The following GALNT1 variants were observed in gnomAD, a reference collection of about 807,000 sequenced individuals.
GALNT1 encodes the protein GalNAc transferase 1.
GALNT1 carries 17 observed loss-of-function variants against 65.7 expected under a neutral mutation model. The observed-to-expected ratio is 0.26, with a 90% confidence interval of 0.18 to 0.39. The LOEUF (loss-of-function observed/expected upper bound fraction) is 0.39. Ranked by LOEUF, GALNT1 falls within the 10% of genes least tolerant of loss-of-function variation. The pLI is 1.00. For synonymous variants in GALNT1, 210 were observed against 219.7 expected, an observed-to-expected ratio of 0.96 and a Z score of 0.39; for missense variants, 460 against 672.8, an observed-to-expected ratio of 0.68 and a Z score of 3.50.
rs1475457392 is a variant in GALNT1, at chr18:35,701,428, A to G, written c.1300-1469A>G. ...CATCATCGTCTGGTATTAATTGATC[A>G]CCTACCAGGATGAAGGAAGGTGTGC... On this transcript the variant is annotated intron_variant, in intron 9 of 11. Transcript: ENST00000269195. Among the ~76,000 whole-genome samples, 2 of 152,176 alleles carry G rather than the reference A, an allele frequency of 1.3e-5. 1 individual carries two copies. Among genetic ancestry groups the G allele is most frequent in the African/African-American group, 4.8e-5 (2 of 41,440 alleles).
intron 7 of GALNT1, among the ~76,000 whole-genome samples, chr18:35,689,935 C>T (rs983240517): frequency 1.3e-5 from 2 of 152,182 alleles, no homozygotes; most frequent in African/African-American, 4.8e-5. Flanking sequence ...AGCGAGCTCA[C>T]TTTGTTCCCA....
intron 11 of GALNT1, among the ~76,000 whole-genome samples, chr18:35,708,226 C>T (rs2048297798): frequency 6.6e-6 from 1 of 152,014 alleles, no homozygotes; most frequent in Non-Finnish European, 1.5e-5. Context: ...CAATAAACTA[C>T]ACAAAGTCTG....
chr18:35,626,017 C>G (rs1003958277), intron 1 of GALNT1, among the ~76,000 whole-genome samples: 6 of 152,164 alleles, frequency 3.9e-5, no homozygotes, highest in African/African-American at 1.4e-4. Flanking sequence ...CCCAGACATT[C>G]CCTGCAATTT....
chr18:35,598,336 A>T (rs972704810), intron 1 of GALNT1, among the ~76,000 whole-genome samples: 1 of 151,778 alleles, frequency 6.6e-6, no homozygotes, highest in Non-Finnish European at 1.5e-5. Flanking sequence ...TGCCTGGACA[A>T]TCTAACTGTA....
intron 1 of GALNT1, chr18:35,627,291 G>T (rs979649284): frequency 2.0e-5 from 3 of 152,222 alleles, no homozygotes; most frequent in Non-Finnish European, 2.9e-5. Flanking sequence ...GCTCAGTATT[G>T]GGGAAGAAGC....
At chr18:35,692,363 C>A in intron 9 of GALNT1, 43 bp downstream of exon 9, 1 of 1,248,318 alleles carries the variant, frequency 8.0e-7, no homozygotes, top group South Asian at 2.1e-5. Flanking sequence ...TTATTATGTT[C>A]TTACTTTTTT....
At chr18:35,694,942 T>G (rs1026321425) in intron 9 of GALNT1, among the ~76,000 whole-genome samples, 4 of 152,174 alleles carry the variant, frequency 2.6e-5, no homozygotes, top group African/African-American at 9.7e-5. Context: ...TGTATGATTC[T>G]CCTTATATAA....
At chr18:35,645,244 T>TC (rs796907547) in intron 1 of GALNT1, among the ~76,000 whole-genome samples, 1 of 108,228 alleles carries the variant, frequency 9.2e-6, no homozygotes, top group Non-Finnish European at 2.0e-5. Flanking sequence ...TTTTTTTTTT[T>TC]CTGGGAGATG....
At chr18:35,601,517 G>A (rs76806467) in intron 1 of GALNT1, among the ~76,000 whole-genome samples, 1 of 151,850 alleles carries the variant, frequency 6.6e-6, no homozygotes, top group African/African-American at 2.4e-5. Flanking sequence ...TACTTGAGGA[G>A]TATTGTTAGG....
At chr18:35,652,415 A>C (rs1374741984) in intron 1 of GALNT1, among the ~76,000 whole-genome samples, 1 of 151,846 alleles carries the variant, frequency 6.6e-6, no homozygotes, top group Non-Finnish European at 1.5e-5. Context: ...GGTGTCCTGG[A>C]GTTTCAGCCC....
rs907661591 is a variant in GALNT1, at chr18:35,666,554, T to C, written c.314+2752T>C. ...TCTGGTAGAATTGTTTTTGTCATTTTAATAACCCCCCTAAGTATATCACCA... is the reference window on the plus strand; with the variant it reads ...TCTGGTAGAATTGTTTTTGTCATTTCAATAACCCCCCTAAGTATATCACCA... On this transcript the variant is annotated intron_variant, in intron 3 of 11. Transcript: ENST00000269195. Among the ~76,000 whole-genome samples, 5 of 152,354 alleles carry C rather than the reference T, an allele frequency of 3.3e-5. No homozygotes were observed. In the Middle Eastern group the frequency reaches 0.01, roughly 311 times the overall value.
intron 3 of GALNT1, among the ~76,000 whole-genome samples, chr18:35,670,848 T>C (rs1303488790): frequency 6.6e-6 from 1 of 152,230 alleles, no homozygotes; most frequent in Non-Finnish European, 1.5e-5. Context: ...TGGCACTATG[T>C]GGCAGTAGGA....
intron 7 of GALNT1, among the ~76,000 whole-genome samples, chr18:35,689,790 TAA>T (rs751490428): frequency 1.3e-5 from 2 of 152,226 alleles, no homozygotes; most frequent in African/African-American, 2.4e-5. Flanking sequence ...AGTCTACATA[TAA>T]AGTCTTTGCA....
intron 3 of GALNT1, among the ~76,000 whole-genome samples, chr18:35,664,691 TAAG>T (rs554427375): frequency 7.2e-5 from 11 of 152,344 alleles, no homozygotes; most frequent in Middle Eastern, 3.4e-3. Flanking sequence ...AGTTGCTCCA[TAAG>T]AAGAAGGTAA....
chr18:35,663,761 G>C lies in GALNT1; in HGVS notation c.273G>C (p.Met91Ile). Residue 91 changes from methionine to isoleucine, a missense_variant, in exon 3 of 12, where the codon ATG becomes ATC. By Grantham distance (10) the Met-to-Ile change is conservative. Transcript: ENST00000269195. ...AGTTCAATTTAATGGCAAGTGAGAT[G>C]ATTGCACTCAACAGATCTTTACCAG... ...INQFNLMASE[M>I]IALNRSLPDV... 6.2e-7 allele frequency: 1 copy of C among 1,613,946 alleles called. No homozygotes were observed. Among genetic ancestry groups the C allele is most frequent in the African/African-American group, 1.3e-5 (1 of 75,034 alleles).
At chr18:35,692,461 C>A in intron 9 of GALNT1, 141 bp downstream of exon 9, 1 of 528,890 alleles carries the variant, frequency 1.9e-6, no homozygotes, top group Non-Finnish European at 3.1e-6. Flanking sequence ...CTTCCTCCTT[C>A]TTACCACGTA....
intron 1 of GALNT1, among the ~76,000 whole-genome samples, chr18:35,608,662 T>C (rs1207670794): frequency 1.3e-5 from 2 of 152,098 alleles, no homozygotes; most frequent in East Asian, 3.9e-4. Context: ...GACACGAAAA[T>C]GAAATATGTG....
intron 1 of GALNT1, among the ~76,000 whole-genome samples, chr18:35,630,884 C>T (rs2046997169): frequency 6.6e-6 from 1 of 152,144 alleles, no homozygotes; most frequent in Non-Finnish European, 1.5e-5. Flanking sequence ...CACCACTGAT[C>T]CCACAGAAAT....
chr18:35,654,727 T>A lies in GALNT1; in HGVS notation c.65T>A (p.Met22Lys). Residue 22 changes from methionine to lysine, a missense_variant, in exon 2 of 12, where the codon ATG becomes AAG. Transcript: ENST00000269195. ...TCCTTGATTTGGGTACTCTTGGATATGTTCCTGCTGCTTTACTTCAGTGAA... is the reference window on the plus strand; with the variant it reads ...TCCTTGATTTGGGTACTCTTGGATAAGTTCCTGCTGCTTTACTTCAGTGAA... ...ATSLIWVLLD[M>K]FLLLYFSECN... 1 of 1,580,980 alleles carries A rather than the reference T, an allele frequency of 6.3e-7. No individual in the cohort carries two copies. The highest frequency in any genetic ancestry group is 8.6e-7 in the Non-Finnish European group (1 of 1,161,510).
Sources: allele counts gnomAD v4.1 joint callset (sites outside exome capture counted in the v4.1 genomes callset), GRCh38; gene constraint gnomAD v4.1.1; transcripts MANE v1.5; gene names NCBI Gene and HGNC (gene_info 2026-07-23, HGNC 2026-07-21).